ASXL1: variants seen among roughly 807,000 people sequenced by gnomAD.
ASXL1 encodes polycomb group protein ASXL1.
A neutral mutation model predicts 89.1 loss-of-function variants in ASXL1; 65 were observed. That is an observed-to-expected ratio of 0.73 (90% CI 0.60 to 0.90). ASXL1 has a LOEUF of 0.90. Among genes scored for constraint, ASXL1 ranks in the 40% least tolerant of loss-of-function variants. ASXL1 has a pLI of 0.00. For missense variants in ASXL1, 1,786 were observed against 1,942.9 expected, an observed-to-expected ratio of 0.92 and a Z score of 1.52; for synonymous variants, 739 against 746.9, an observed-to-expected ratio of 0.99 and a Z score of 0.17.
chr20:32,378,588 G>C (rs6057567), intron 4 of ASXL1, among the ~76,000 whole-genome samples: 56,583 of 151,912 alleles, frequency 0.37, 11,221 homozygotes, highest in East Asian at 0.74. Flanking sequence ...CTAAAGTCAT[G>C]TGTCAGTGTT....
Position 32,395,823 on chromosome 20 carries a change from G to C in ASXL1, c.252+26700G>C, listed in dbSNP as rs1448004524. Reference sequence around the variant, plus strand: ...CAGTTTTTTTCTTTTTTTTGAGACGGAGTCTCATTCTGTCACCCAGGCTGA... The same window carrying C: ...CAGTTTTTTTCTTTTTTTTGAGACGCAGTCTCATTCTGTCACCCAGGCTGA... On this transcript the variant is annotated intron_variant, in intron 4 of 12. Coordinates refer to ENST00000375687, the MANE Select transcript of ASXL1 (RefSeq NM_015338.6). Among the ~76,000 whole-genome samples, 3 of 151,874 alleles carry C rather than the reference G, an allele frequency of 2.0e-5. No homozygotes were observed. In the South Asian group the frequency reaches 6.2e-4, roughly 31 times the overall value.
At position 32,438,471 on chromosome 20, in the gene ASXL1, T is replaced by C. The variant is rs2012052485; in HGVS notation, c.*1133T>C. On this transcript the variant is annotated 3_prime_UTR_variant, in exon 13 of 13. Coordinates refer to ENST00000375687, the MANE Select transcript of ASXL1 (RefSeq NM_015338.6). The stretch of plus-strand genomic sequence containing the variant: ...GCTGCTCGACGTGAGGGTGAAATGA[T>C]TGACTTGTGACCTGCCAGGTTGCCC... 1 of 233,528 alleles carries C rather than the reference T, an allele frequency of 4.3e-6. No individual in the cohort carries two copies. The highest frequency in any genetic ancestry group is 5.6e-5 in the Admixed American group (1 of 17,788). The allele number at this position is 233,528 out of a possible 1,614,324, so 14.5% of individuals were successfully genotyped here. A position where few individuals can be genotyped will look rare whatever the true frequency, so the allele number is the denominator to read the frequency against.
In ASXL1 at chr20:32,436,196, G is replaced by A. The variant is rs2145382118; in HGVS notation, c.3484G>A (p.Val1162Ile). The change falls in exon 13 of 13, where the codon GTT becomes ATT. Residue 1162 changes from valine (V) to isoleucine (I), a missense_variant. This residue lies in a region of ASXL1 where 1,418 missense variants were observed against 1,427.8 expected (regional missense o/e 0.99). Coordinates refer to ENST00000375687, the MANE Select transcript of ASXL1 (RefSeq NM_015338.6). Reference protein sequence around the residue: ...LHGLGKNSGMVDGSSPSSLRA... With the variant: ...LHGLGKNSGMIDGSSPSSLRA... The stretch of plus-strand genomic sequence containing the variant: ...TGGTCTTGGAAAAAACAGTGGCATG[G>A]TTGATGGAAGCAGCCCCAGTTCTTT... 1 of 1,614,254 alleles carries A rather than the reference G, an allele frequency of 6.2e-7. No homozygotes were observed. Among genetic ancestry groups the A allele is most frequent in the South Asian group, 1.1e-5 (1 of 91,088 alleles).
rs1466122071 is a variant in ASXL1 at position 32,437,414 on chromosome 20, G to A, written c.*76G>A. 1 of 1,576,824 alleles carries A rather than the reference G, an allele frequency of 6.3e-7. No individual in the cohort carries two copies. The highest frequency in any genetic ancestry group is 1.7e-5 in the Admixed American group (1 of 59,960). On this transcript the variant is annotated 3_prime_UTR_variant, in exon 13 of 13. Transcript: ENST00000375687. ...ATGATTGATCTTAAATCTGTATACA[G>A]AATATCATTGATATAATACTCTTTA...
intron 4 of ASXL1, among the ~76,000 whole-genome samples, chr20:32,374,792 A>G (rs1418648321): frequency 1.3e-5 from 2 of 152,200 alleles, no homozygotes; most frequent in Admixed American, 1.3e-4. Flanking sequence ...CATCTTGGTC[A>G]CTTGAGAACT....
Position 32,435,713 on chromosome 20 carries a change from A to G in ASXL1, c.3001A>G (p.Thr1001Ala), listed in dbSNP as rs1217127877. Residue 1001 changes from threonine (T) to alanine (A), a missense_variant, in exon 13 of 13, where the codon ACA (threonine) becomes GCA (alanine). Transcript: ENST00000375687. Reference sequence around the variant, plus strand: ...GAGTCCTCACGGTGAGTCCACGGATACAGCCTCTGACTTTGAAGGTCACCT... The same window carrying G: ...GAGTCCTCACGGTGAGTCCACGGATGCAGCCTCTGACTTTGAAGGTCACCT... ...ALSPHGESTD[T>A]ASDFEGHLTE... 3.1e-6 allele frequency: 5 copies of G among 1,614,110 alleles called. No individual in the cohort carries two copies. The highest frequency in any genetic ancestry group is 3.4e-6 in the Non-Finnish European group (4 of 1,180,056).
chr20:32,427,248 G>C (rs1307133313), intron 4 of ASXL1: 3 of 152,148 alleles, frequency 2.0e-5, no homozygotes, highest in Admixed American at 2.0e-4. Flanking sequence ...TGAAATTTGG[G>C]ATGGAGTTCT....
intron 4 of ASXL1, among the ~76,000 whole-genome samples, chr20:32,412,304 A>G (rs1247139513): frequency 6.6e-6 from 1 of 152,252 alleles, no homozygotes; most frequent in Non-Finnish European, 1.5e-5. Context: ...CAGTTTTAGT[A>G]TAAACACTTA....
In ASXL1 at chr20:32,434,868, A is replaced by AG; in HGVS notation, c.2158dup (p.Asp720GlyfsTer54). The AG allele has an allele frequency of 6.2e-7, 1 of 1,614,186 alleles. No individual in the cohort carries two copies. Among genetic ancestry groups the AG allele is most frequent in the Non-Finnish European group, 8.5e-7 (1 of 1,180,036 alleles). ...ACTGCCATGTCCAGAGCTAGGAGAG[A>AG]GGACCTGCCTTCTCTGAGAAAGGAG... On this transcript the variant is annotated frameshift_variant, in exon 13 of 13. Transcript: ENST00000375687. LOFTEE classifies it low-confidence loss of function (END_TRUNC).
chr20:32,436,171 T>C lies in ASXL1; in HGVS notation c.3459T>C (p.His1153=), dbSNP rs2011851531. 1 of 1,614,090 alleles carries C rather than the reference T, an allele frequency of 6.2e-7. No individual in the cohort carries two copies. The highest frequency in any genetic ancestry group is 8.5e-7 in the Non-Finnish European group (1 of 1,180,040). Residue 1153 remains histidine, a synonymous_variant, in exon 13 of 13, where the codon CAT becomes CAC. Transcript: ENST00000375687. ...SHGSLRMGSL[H]GLGKNSGMVD... ...GCTCGCTACGCATGGGATCTTTACA[T>C]GGTCTTGGAAAAAACAGTGGCATGG... is the stretch of plus-strand genomic sequence containing the variant.
intron 4 of ASXL1, among the ~76,000 whole-genome samples, chr20:32,414,669 T>C (rs1210657263): frequency 1.3e-5 from 2 of 152,236 alleles, no homozygotes; most frequent in Admixed American, 6.5e-5. Context: ...CATATAACAA[T>C]GTGCTTAAAT....
rs553733252 is a variant in ASXL1, at chr20:32,388,279, A to G, written c.252+19156A>G. Among the ~76,000 whole-genome samples the G allele has an allele frequency of 8.5e-5, 13 of 152,198 alleles. No individual in the cohort carries two copies. In the East Asian group the frequency reaches 1.5e-3, roughly 18 times the overall value. ...AACCTCTGTCTTCCAGGCTTAAGCA[A>G]TTCTCCTGCCTCAGCCTCCCGAGTA... is the stretch of plus-strand genomic sequence containing the variant. On this transcript the variant is annotated intron_variant, in intron 4 of 12. Transcript: ENST00000375687.
At chr20:32,397,900 C>T (rs1005784267) in intron 4 of ASXL1, among the ~76,000 whole-genome samples, 5 of 152,218 alleles carry the variant, frequency 3.3e-5, no homozygotes, top group African/African-American at 7.2e-5. Flanking sequence ...TGCATTTCAT[C>T]AGTTTTTCCA....
chr20:32,367,473 C>A (rs1004029351), intron 2 of ASXL1, among the ~76,000 whole-genome samples: 6 of 152,316 alleles, frequency 3.9e-5, no homozygotes, highest in Non-Finnish European at 7.3e-5. Flanking sequence ...GAGCAAACTT[C>A]ATGTTTTTGC....
chr20:32,375,048 T>C (rs768902219), intron 4 of ASXL1, among the ~76,000 whole-genome samples: 1 of 152,060 alleles, frequency 6.6e-6, no homozygotes, highest in African/African-American at 2.4e-5. Context: ...CGTTTTGCCA[T>C]GTTGGTCAGG....
At chr20:32,383,740 C>G (rs901083390) in intron 4 of ASXL1, among the ~76,000 whole-genome samples, 1 of 152,190 alleles carries the variant, frequency 6.6e-6, no homozygotes, top group East Asian at 1.9e-4. Context: ...GTCTCTAACA[C>G]TGAAGAGGTA....
rs1029971980 is a variant in ASXL1, at chr20:32,410,942, G to C, written c.253-17186G>C. ...GCTACTGGGGGAGGGTGAGGCAGGA[G>C]AATCGCTTGAACCCTGGAGATGGAG... is the stretch of plus-strand genomic sequence containing the variant. On this transcript the variant is annotated intron_variant, in intron 4 of 12. Transcript: ENST00000375687. Among the ~76,000 whole-genome samples the C allele has an allele frequency of 1.0e-4, 15 of 149,956 alleles. No individual in the cohort carries two copies. The East Asian group carries it at 3.0e-3, about 30-fold the overall frequency.
rs1038935859 is a variant in ASXL1 at position 32,358,391 on chromosome 20, G to C, written c.-385G>C. 1.1e-4 allele frequency: 25 copies of C among 233,750 alleles called. No individual in the cohort carries two copies. The highest frequency in any genetic ancestry group is 1.8e-4 in the African/African-American group (8 of 45,130). 14.5% of individuals were successfully genotyped at this position (233,750 alleles called of 1,614,324 possible). ...GCACCCGGGCGCCGAAGGGAAAGCC[G>C]CGTCTCGCCCTCCCGCCCCGCCGTC... On this transcript the variant is annotated 5_prime_UTR_variant, in exon 1 of 13. Coordinates refer to ENST00000375687, the MANE Select transcript of ASXL1 (RefSeq NM_015338.6).
chr20:32,404,038 C>A (rs1021841111), intron 4 of ASXL1, among the ~76,000 whole-genome samples: 1 of 152,018 alleles, frequency 6.6e-6, no homozygotes, highest in African/African-American at 2.4e-5. Flanking sequence ...CAACTCTTCC[C>A]TTCTAGGTAT....
Sources: gnomAD v4.1 joint callset for allele counts (sites outside exome capture counted in the v4.1 genomes callset) on GRCh38, gnomAD v4.1.1 for gene constraint, gnomAD v4.1.1 regional missense constraint, MANE v1.5 for transcripts, NCBI Gene and HGNC (gene_info 2026-07-23, HGNC 2026-07-21) for gene names.